The following ALK variants were observed in gnomAD, a reference collection of about 807,000 sequenced individuals.
ALK encodes ALK receptor tyrosine kinase.
Under a neutral mutation model 163.1 loss-of-function variants are expected in ALK, and 74 were observed. That is an observed-to-expected ratio of 0.45 (90% CI 0.38 to 0.55). The LOEUF (loss-of-function observed/expected upper bound fraction) is 0.55. ALK is among the 20% of genes least tolerant of loss of function. ALK has a pLI of 0.00. For missense variants in ALK, 2,063 were observed against 2,105.3 expected (o/e 0.98, Z 0.39); for synonymous variants, 960 against 843.2 (o/e 1.14, Z -2.40).
chr2:29,739,240 TAAAAAAAAA>T (rs57381961), intron 1 of ALK, among the ~76,000 whole-genome samples: 4 of 40,298 alleles, frequency 9.9e-5, no homozygotes, highest in African/African-American at 3.1e-4. Flanking sequence ...CAGTCTCTCT[TAAAAAAAAA>T]AAAAAAAAAA....
chr2:29,273,005 A>T (rs1044436476), intron 11 of ALK, among the ~76,000 whole-genome samples: 2 of 152,230 alleles, frequency 1.3e-5, no homozygotes, highest in Non-Finnish European at 2.9e-5. Flanking sequence ...CTGTTGTGTG[A>T]AATAACCTAG....
At chr2:29,866,630 G>T (rs185716506) in intron 1 of ALK, among the ~76,000 whole-genome samples, 1 of 152,320 alleles carries the variant, frequency 6.6e-6, no homozygotes, top group East Asian at 1.9e-4. Context: ...TGATCTCTGT[G>T]ATATGCAGAT....
intron 8 of ALK, among the ~76,000 whole-genome samples, chr2:29,298,095 A>G (rs748632755): frequency 6.6e-6 from 1 of 152,226 alleles, no homozygotes; most frequent in African/African-American, 2.4e-5. Context: ...GTTAAGAACC[A>G]TGACTCACGG....
chr2:29,861,819 A>G (rs898605383), intron 1 of ALK, among the ~76,000 whole-genome samples: 8 of 152,206 alleles, frequency 5.3e-5, no homozygotes, highest in African/African-American at 1.9e-4. Context: ...CCAGACAAGG[A>G]TACTACAAGA....
At chr2:29,514,217 A>T (rs1419572415) in intron 4 of ALK, among the ~76,000 whole-genome samples, 1 of 148,074 alleles carries the variant, frequency 6.8e-6, no homozygotes, top group East Asian at 2.0e-4. Context: ...TTATTGTGGC[A>T]CTATTCACAA....
In ALK at chr2:29,788,976, C is replaced by G. The variant is rs1362817907; in HGVS notation, c.668-71279G>C. Reference sequence around the variant, plus strand: ...CACCACCAACTTTAGCTAAGTTTTGCAAACGGCCGAGTCTAAAAACATGCT... The same window carrying G: ...CACCACCAACTTTAGCTAAGTTTTGGAAACGGCCGAGTCTAAAAACATGCT... On this transcript the variant is annotated intron_variant, in intron 1 of 28. Transcript: ENST00000389048. 2.0e-5 allele frequency among the ~76,000 whole-genome samples: 3 copies of G among 147,128 alleles called. No individual in the cohort carries two copies. In the East Asian group the frequency reaches 6.1e-4, roughly 30 times the overall value.
intron 1 of ALK, among the ~76,000 whole-genome samples, chr2:29,806,788 A>G (rs1323742541): frequency 1.3e-5 from 2 of 152,206 alleles, no homozygotes; most frequent in Non-Finnish European, 2.9e-5. Context: ...ACAGGCACGC[A>G]TGGGGGCCAT....
At chr2:29,658,777 A>C (rs568982718) in intron 3 of ALK, among the ~76,000 whole-genome samples, 1 of 152,210 alleles carries the variant, frequency 6.6e-6, no homozygotes, top group Non-Finnish European at 1.5e-5. Flanking sequence ...GCTGCATAAT[A>C]TGTAATACAC....
rs138088589 is a variant in ALK at position 29,525,513 on chromosome 2, C to T, written c.1154+6402G>A. Among the ~76,000 whole-genome samples, 20 of 152,092 alleles carry T rather than the reference C, an allele frequency of 1.3e-4. No individual in the cohort carries two copies. The East Asian group carries it at 3.9e-3, about 29-fold the overall frequency. Reference sequence around the variant, plus strand: ...GAATAGCTCAAGATGAGACTCGGGCCGGGTGCGGTGGCTCATGCCTGTAAT... The same window carrying T: ...GAATAGCTCAAGATGAGACTCGGGCTGGGTGCGGTGGCTCATGCCTGTAAT... On this transcript the variant is annotated intron_variant, in intron 4 of 28. Coordinates refer to ENST00000389048, the MANE Select transcript of ALK (RefSeq NM_004304.5).
intron 2 of ALK, among the ~76,000 whole-genome samples, chr2:29,714,982 C>G (rs530305926): frequency 1.3e-5 from 2 of 152,000 alleles, no homozygotes; most frequent in African/African-American, 2.4e-5. Flanking sequence ...GTCAGCCCAC[C>G]GGGGACACTA....
intron 4 of ALK, among the ~76,000 whole-genome samples, chr2:29,431,505 A>T (rs1442082537): frequency 6.6e-6 from 1 of 152,184 alleles, no homozygotes; most frequent in Non-Finnish European, 1.5e-5. Flanking sequence ...AGGCACATGG[A>T]GACTGACAAA....
At chr2:29,314,786 A>G (rs1666782946) in intron 8 of ALK, among the ~76,000 whole-genome samples, 1 of 152,158 alleles carries the variant, frequency 6.6e-6, no homozygotes, top group African/African-American at 2.4e-5. Context: ...TAGAATTTCA[A>G]ACCACACGGG....
At chr2:29,197,451 T>G in intron 27 of ALK, 91 bp downstream of exon 27, 1 of 1,581,384 alleles carries the variant, frequency 6.3e-7, no homozygotes, top group Non-Finnish European at 8.6e-7. Context: ...CATCTGCCCC[T>G]TCATCTTAAA....
At chr2:29,209,378 T>C (rs1335000435) in intron 25 of ALK, among the ~76,000 whole-genome samples, 1 of 151,774 alleles carries the variant, frequency 6.6e-6, no homozygotes, top group African/African-American at 2.4e-5. Context: ...TCGTCTCTAC[T>C]AAAAATACAA....
At chr2:29,665,026 G>A (rs1381044403) in intron 3 of ALK, among the ~76,000 whole-genome samples, 1 of 127,716 alleles carries the variant, frequency 7.8e-6, no homozygotes, top group African/African-American at 3.0e-5. Flanking sequence ...TTTGAGACCT[G>A]CTCTCACTGT....
At chr2:29,653,100 T>C (rs1299735083) in intron 3 of ALK, among the ~76,000 whole-genome samples, 1 of 152,114 alleles carries the variant, frequency 6.6e-6, no homozygotes, top group Non-Finnish European at 1.5e-5. Flanking sequence ...AGGTAGATAG[T>C]GTCAGAATAG....
At chr2:29,649,402 T>G (rs1441728519) in intron 3 of ALK, among the ~76,000 whole-genome samples, 2 of 152,144 alleles carry the variant, frequency 1.3e-5, no homozygotes, top group African/African-American at 4.8e-5. Context: ...ACTGCTATCA[T>G]CAAATATCTG....
intron 3 of ALK, among the ~76,000 whole-genome samples, chr2:29,592,742 T>C (rs568012289): frequency 1.2e-3 from 177 of 152,280 alleles, no homozygotes; most frequent in African/African-American, 4.2e-3. Flanking sequence ...TCTTTGCAGA[T>C]GTAATTAAGC....
At chr2:29,219,577 T>A (rs1018606005) in intron 23 of ALK, among the ~76,000 whole-genome samples, 1 of 152,154 alleles carries the variant, frequency 6.6e-6, no homozygotes, top group Admixed American at 6.5e-5. Context: ...GAAGCCTGGA[T>A]CCTAACCTTG....
Sources: allele counts gnomAD v4.1 joint callset (sites outside exome capture counted in the v4.1 genomes callset), GRCh38; gene constraint gnomAD v4.1.1; transcripts MANE v1.5; gene names NCBI Gene and HGNC (gene_info 2026-07-23, HGNC 2026-07-21).